The following SEPTIN14 variants were observed in gnomAD, a reference collection of about 807,000 sequenced individuals.
SEPTIN14 encodes the protein septin-14.
SEPTIN14 carries 40 observed loss-of-function variants against 53.6 expected under a neutral mutation model. That is an observed-to-expected ratio of 0.75 (90% CI 0.58 to 0.97). The LOEUF (loss-of-function observed/expected upper bound fraction) is 0.97, where lower values mean the gene tolerates loss of function less well. Among genes scored for constraint, SEPTIN14 ranks in the 50% least tolerant of loss-of-function variants. SEPTIN14 has a pLI of 0.00. For synonymous variants in SEPTIN14, 138 were observed against 166.8 expected (o/e 0.83, Z 1.33); for missense variants, 471 against 508.2 (o/e 0.93, Z 0.70).
At chr7:55,821,791 G>C (rs1196158504) in intron 6 of SEPTIN14, among the ~76,000 whole-genome samples, 5 of 152,140 alleles carry the variant, frequency 3.3e-5, no homozygotes, top group Non-Finnish European at 1.5e-5. Flanking sequence ...AGGATTGTTA[G>C]ATCATATGGT....
chr7:55,824,402 T>C (rs1788948893), intron 6 of SEPTIN14, among the ~76,000 whole-genome samples: 1 of 152,162 alleles, frequency 6.6e-6, no homozygotes, highest in African/African-American at 2.4e-5. Flanking sequence ...ACATCATACA[T>C]CCTCAGGGAA....
At chr7:55,814,922 A>G (rs932115818) in intron 7 of SEPTIN14, among the ~76,000 whole-genome samples, 17 of 152,250 alleles carry the variant, frequency 1.1e-4, no homozygotes, top group African/African-American at 4.1e-4. Flanking sequence ...GTGAAACAGC[A>G]TGGTACCGGC....
At chr7:55,842,006 G>T (rs956882654) in intron 5 of SEPTIN14, among the ~76,000 whole-genome samples, 2 of 152,130 alleles carry the variant, frequency 1.3e-5, no homozygotes, top group African/African-American at 4.8e-5. Flanking sequence ...CTGCACTCCA[G>T]CCTGGGAGAC....
intron 2 of SEPTIN14, among the ~76,000 whole-genome samples, chr7:55,857,617 T>G (rs1584276584): frequency 2.2e-5 from 2 of 88,936 alleles, no homozygotes; most frequent in Non-Finnish European, 4.0e-5. Context: ...TGAGACGGAG[T>G]CTCGCTGTCG....
At chr7:55,849,619 G>A (rs754741526) in intron 2 of SEPTIN14, among the ~76,000 whole-genome samples, 37 of 151,870 alleles carry the variant, frequency 2.4e-4, no homozygotes, top group African/African-American at 7.0e-4. Flanking sequence ...GGTGGCACAC[G>A]CCTGTAATAC....
chr7:55,842,787 C>T (rs1382684539), intron 5 of SEPTIN14, among the ~76,000 whole-genome samples, 155 bp downstream of exon 5: 1 of 151,878 alleles, frequency 6.6e-6, no homozygotes, highest in Non-Finnish European at 1.5e-5. Context: ...GTGGCAGGTG[C>T]CTGTAGTCCC....
chr7:55,836,952 T>C (rs1395749426), intron 5 of SEPTIN14, among the ~76,000 whole-genome samples: 1 of 152,120 alleles, frequency 6.6e-6, no homozygotes, highest in Non-Finnish European at 1.5e-5. Context: ...CTTAGAACTT[T>C]TTCTCTCTTC....
intron 7 of SEPTIN14, among the ~76,000 whole-genome samples, chr7:55,813,299 GAGAT>G (rs1418446460): frequency 2.0e-5 from 3 of 152,130 alleles, no homozygotes; most frequent in Admixed American, 6.6e-5. Context: ...CCCCATGCCA[GAGAT>G]AGATAGGAAC....
intron 3 of SEPTIN14, 31 bp downstream of exon 3, chr7:55,846,486 G>T: frequency 1.3e-6 from 2 of 1,510,800 alleles, no homozygotes; most frequent in Non-Finnish European, 1.8e-6. Context: ...AAAAATGAAG[G>T]AATAATTCAA....
At chr7:55,826,494 T>C (rs1788989379) in intron 6 of SEPTIN14, among the ~76,000 whole-genome samples, 1 of 152,178 alleles carries the variant, frequency 6.6e-6, no homozygotes, top group Admixed American at 6.5e-5. Context: ...CCAGAAAAGC[T>C]GTCCTTTAAG....
chr7:55,807,536 C>T (rs1329833504), intron 7 of SEPTIN14, among the ~76,000 whole-genome samples: 2 of 152,050 alleles, frequency 1.3e-5, no homozygotes, highest in Non-Finnish European at 2.9e-5. Context: ...TGCATATATG[C>T]CATAGGTTTT....
intron 7 of SEPTIN14, among the ~76,000 whole-genome samples, chr7:55,815,743 T>A (rs1195977873): frequency 6.6e-6 from 1 of 152,196 alleles, no homozygotes; most frequent in African/African-American, 2.4e-5. Flanking sequence ...TTGTACACTG[T>A]TGATAGGAAT....
chr7:55,801,356 A>T (rs967356657), intron 9 of SEPTIN14, among the ~76,000 whole-genome samples: 2 of 152,152 alleles, frequency 1.3e-5, no homozygotes, highest in Admixed American at 6.5e-5. Flanking sequence ...AAGGTGACAC[A>T]TAACCACTGA....
rs746498199 is a variant in SEPTIN14, at chr7:55,830,321, G to GTATATA, written c.720+4098_720+4103dup. On this transcript the variant is annotated intron_variant, in intron 6 of 9. Coordinates refer to ENST00000388975, the MANE Select transcript of SEPTIN14 (RefSeq NM_207366.3). ...GTGGTAATCAGAATGTTATCCAACT[G>GTATATA]TATATATATATATATATATATATAT... Among the ~76,000 whole-genome samples the GTATATA allele has an allele frequency of 9.5e-4, 80 of 84,602 alleles. 2 individuals are homozygous for GTATATA. The highest frequency in any genetic ancestry group is 2.4e-3 in the East Asian group (6 of 2,490). 55.5% of individuals were successfully genotyped at this position (84,602 alleles called of 152,430 possible). A position where few individuals can be genotyped will look rare whatever the true frequency, so the allele number is the denominator to read the frequency against.
chr7:55,857,378 G>T (rs1178704059), intron 2 of SEPTIN14, among the ~76,000 whole-genome samples: 1 of 142,332 alleles, frequency 7.0e-6, no homozygotes, highest in African/African-American at 2.6e-5. Flanking sequence ...GTCTCGAAAA[G>T]AAAAGAAAAG....
intron 9 of SEPTIN14, among the ~76,000 whole-genome samples, chr7:55,799,114 A>G (rs536092942): frequency 6.6e-6 from 1 of 152,288 alleles, no homozygotes; most frequent in East Asian, 1.9e-4. Context: ...CACAAGACAC[A>G]AAGTAGCAGA....
chr7:55,795,649 G>C lies in SEPTIN14; in HGVS notation c.*264C>G. 2.6e-6 allele frequency: 1 copy of C among 390,898 alleles called. No homozygotes were observed. Among genetic ancestry groups the C allele is most frequent in the South Asian group, 2.4e-5 (1 of 40,850 alleles). The allele number at this position is 390,898 out of a possible 1,614,324, so 24.2% of individuals were successfully genotyped here. On this transcript the variant is annotated 3_prime_UTR_variant, in exon 10 of 10. Coordinates refer to ENST00000388975, the MANE Select transcript of SEPTIN14 (RefSeq NM_207366.3). ...AACCCAGCTAATTTTTGTATTTTTA[G>C]TAGAGGCAGGGTTTCATCATTTTGG...
At chr7:55,805,952 C>G (rs1339190428) in intron 8 of SEPTIN14, among the ~76,000 whole-genome samples, 2 of 151,854 alleles carry the variant, frequency 1.3e-5, no homozygotes, top group Non-Finnish European at 2.9e-5. Flanking sequence ...AATGATATAA[C>G]TAGATTATAT....
chr7:55,811,368 G>C, intron 7 of SEPTIN14: 1 of 500,336 alleles, frequency 2.0e-6, no homozygotes, highest in Non-Finnish European at 4.1e-6. Flanking sequence ...CCTCCCTAAG[G>C]AGTTGGTCTT....
Sources: allele counts gnomAD v4.1 joint callset (sites outside exome capture counted in the v4.1 genomes callset), GRCh38; gene constraint gnomAD v4.1.1; transcripts MANE v1.5; gene names NCBI Gene and HGNC (gene_info 2026-07-23, HGNC 2026-07-21).